The following KCNH1 variants were observed in gnomAD, a reference collection of about 807,000 sequenced individuals.
KCNH1 encodes voltage-gated delayed rectifier potassium channel KCNH1.
In KCNH1, 27 loss-of-function variants were observed where a neutral mutation model predicts 69.2. The ratio of observed to expected loss-of-function variants is 0.39; its 90% CI spans 0.29 to 0.54. The LOEUF (loss-of-function observed/expected upper bound fraction) is 0.54, where lower values mean the gene tolerates loss of function less well. Ranked by LOEUF, KCNH1 falls within the 20% of genes least tolerant of loss-of-function variation. The pLI is 0.68. For synonymous variants in KCNH1, 456 were observed against 487.7 expected (o/e 0.93, Z 0.86); for missense variants, 798 against 1,261.6 (o/e 0.63, Z 5.57).
intron 10 of KCNH1, among the ~76,000 whole-genome samples, chr1:210,770,167 C>A (rs1265760096): frequency 1.1e-5 from 1 of 92,540 alleles, no homozygotes; most frequent in African/African-American, 4.4e-5. Flanking sequence ...CACATGGACA[C>A]AGGGAGGGGG....
intron 6 of KCNH1, among the ~76,000 whole-genome samples, chr1:210,929,517 G>A (rs1687639922): frequency 6.6e-6 from 1 of 152,160 alleles, no homozygotes; most frequent in Non-Finnish European, 1.5e-5. Flanking sequence ...CTGCAGAGAA[G>A]GAACACACCT....
At chr1:210,796,838 C>A (rs1684325316) in intron 9 of KCNH1, among the ~76,000 whole-genome samples, 2 of 152,110 alleles carry the variant, frequency 1.3e-5, no homozygotes, top group African/African-American at 4.8e-5. Context: ...CAATCCACTC[C>A]CCAAGCTGCA....
At chr1:211,061,675 GCAAA>G (rs1690435462) in intron 5 of KCNH1, among the ~76,000 whole-genome samples, 1 of 151,830 alleles carries the variant, frequency 6.6e-6, no homozygotes, top group Non-Finnish European at 1.5e-5. Context: ...TATACCAAGA[GCAAA>G]CAATCTGAAA....
intron 7 of KCNH1, among the ~76,000 whole-genome samples, chr1:210,915,190 A>C (rs1305211490): frequency 6.6e-6 from 1 of 152,160 alleles, no homozygotes; most frequent in Non-Finnish European, 1.5e-5. Flanking sequence ...GCCACAGTGA[A>C]GAGTCCATTT....
chr1:211,059,279 CAA>C (rs111505454), intron 5 of KCNH1, among the ~76,000 whole-genome samples: 6 of 90,834 alleles, frequency 6.6e-5, no homozygotes, highest in Admixed American at 1.2e-4. Context: ...GACTCCATCT[CAA>C]AAAAAAAAAA....
chr1:210,707,600 G>A (rs182370401), intron 10 of KCNH1, among the ~76,000 whole-genome samples: 1 of 152,114 alleles, frequency 6.6e-6, no homozygotes, highest in South Asian at 2.1e-4. Context: ...CCAGGAAGCC[G>A]GCTGGCCACA....
At chr1:210,908,587 A>G (rs1687163086) in intron 7 of KCNH1, among the ~76,000 whole-genome samples, 1 of 152,116 alleles carries the variant, frequency 6.6e-6, no homozygotes. Flanking sequence ...TGCTGTCAGT[A>G]TGTTCTCTGT....
chr1:211,082,733 C>A (rs1272911489), intron 5 of KCNH1, 47 bp downstream of exon 5: 4 of 1,455,726 alleles, frequency 2.7e-6, no homozygotes, highest in Non-Finnish European at 3.8e-6. Context: ...TCAGCCCATG[C>A]ACCCCCTAAA....
chr1:211,093,742 T>A (rs947738000), intron 3 of KCNH1, among the ~76,000 whole-genome samples: 4 of 152,214 alleles, frequency 2.6e-5, no homozygotes, highest in African/African-American at 9.6e-5. Flanking sequence ...TCCTTTTTCG[T>A]GATCTGGTGC....
At chr1:211,108,977 T>C (rs990392477) in intron 1 of KCNH1, among the ~76,000 whole-genome samples, 2 of 152,038 alleles carry the variant, frequency 1.3e-5, no homozygotes, top group Non-Finnish European at 2.9e-5. Context: ...CACAACTAAC[T>C]AAAGAAACAG....
At chr1:210,759,018 C>A (rs1683456427) in intron 10 of KCNH1, among the ~76,000 whole-genome samples, 1 of 152,112 alleles carries the variant, frequency 6.6e-6, no homozygotes, top group Non-Finnish European at 1.5e-5. Context: ...AAACATGGAA[C>A]TCATACAGAG....
intron 10 of KCNH1, among the ~76,000 whole-genome samples, chr1:210,749,830 C>T (rs545901602): frequency 6.6e-6 from 1 of 151,006 alleles, no homozygotes; most frequent in South Asian, 2.1e-4. Flanking sequence ...GCGGCCTCCT[C>T]CTCCCAGGTT....
chr1:210,745,762 G>T (rs1433837473), intron 10 of KCNH1, among the ~76,000 whole-genome samples: 1 of 152,110 alleles, frequency 6.6e-6, no homozygotes, highest in South Asian at 2.1e-4. Context: ...CCAGCTGTCA[G>T]TTCTAGAAGG....
At chr1:210,702,851 T>TACATCAGTTACCTTTCCTCCG (rs368975017) in intron 10 of KCNH1, among the ~76,000 whole-genome samples, 1,964 of 152,322 alleles carry the variant, frequency 0.013, 32 homozygotes, top group African/African-American at 0.045. Flanking sequence ...TCCACTTTAC[T>TACATCAGTTACCTTTCCTCCG]ACATCAGTTA....
chr1:210,821,802 C>CTATTTGTT (rs1684934312), intron 7 of KCNH1, among the ~76,000 whole-genome samples: 1 of 142,450 alleles, frequency 7.0e-6, no homozygotes, highest in Non-Finnish European at 1.5e-5. Context: ...TTAACTCCAG[C>CTATTTGTT]TATTTATTTA....
intron 7 of KCNH1, among the ~76,000 whole-genome samples, chr1:210,836,246 C>T (rs1406163884): frequency 6.6e-6 from 1 of 151,934 alleles, no homozygotes; most frequent in Non-Finnish European, 1.5e-5. Flanking sequence ...AGCAGGGTTT[C>T]AATGACAGTG....
intron 9 of KCNH1, among the ~76,000 whole-genome samples, chr1:210,789,532 T>G: frequency 6.6e-6 from 1 of 152,290 alleles, no homozygotes; most frequent in East Asian, 1.9e-4. Flanking sequence ...AAAAATAATA[T>G]CATTCTTCTA....
chr1:211,056,431 G>T (rs1326911125), intron 5 of KCNH1, among the ~76,000 whole-genome samples: 1 of 152,170 alleles, frequency 6.6e-6, no homozygotes, highest in African/African-American at 2.4e-5. Context: ...CTCCTGGACA[G>T]TATCTCTGGA....
chr1:210,874,505 G>A (rs954320661), intron 7 of KCNH1, among the ~76,000 whole-genome samples: 1 of 152,052 alleles, frequency 6.6e-6, no homozygotes, highest in South Asian at 2.1e-4. Context: ...AAGGTCTCAT[G>A]GAAACATGAA....
Sources: gnomAD v4.1 joint callset for allele counts (sites outside exome capture counted in the v4.1 genomes callset) on GRCh38, gnomAD v4.1.1 for gene constraint, MANE v1.5 for transcripts, NCBI Gene and HGNC (gene_info 2026-07-23, HGNC 2026-07-21) for gene names.